The following PGM3 variants were observed in gnomAD, a reference collection of about 807,000 sequenced individuals.
PGM3 encodes phosphoglucomutase 3, also known as phosphoacetylglucosamine mutase.
Under a neutral mutation model 66.2 loss-of-function variants are expected in PGM3, and 40 were observed. The observed-to-expected ratio is 0.60, with a 90% CI of 0.47 to 0.79. The LOEUF is 0.79. Among genes scored for constraint, PGM3 ranks in the 30% least tolerant of loss-of-function variants. The probability of loss-of-function intolerance (pLI) is 0.00; values close to 1 mark genes in which losing one functional copy is unlikely to be tolerated. For synonymous variants in PGM3, 191 were observed against 224.2 expected, an observed-to-expected ratio of 0.85 and a Z score of 1.32; for missense variants, 537 against 643.4, an observed-to-expected ratio of 0.83 and a Z score of 1.79.
At chr6:83,180,199 T>TC (rs1788076199) in intron 6 of PGM3, among the ~76,000 whole-genome samples, 1 of 152,186 alleles carries the variant, frequency 6.6e-6, no homozygotes, top group Non-Finnish European at 1.5e-5. Context: ...AATACTACCA[T>TC]AAAATTCCAC....
intron 8 of PGM3, among the ~76,000 whole-genome samples, chr6:83,178,117 T>C (rs527722787): frequency 4.7e-4 from 71 of 152,208 alleles, no homozygotes; most frequent in Non-Finnish European, 9.4e-4. Flanking sequence ...ACACTAGTCC[T>C]CAAATAGGAA....
chr6:83,164,725 G>T, downstream of PGM3: 1 of 1,586,404 alleles, frequency 6.3e-7, no homozygotes, highest in Non-Finnish European at 8.6e-7. Context: ...ATCAGGTGAG[G>T]GTGGCTGTTT....
Position 83,190,906 on chromosome 6 carries a change from T to C in PGM3, c.107A>G (p.Asp36Gly). Residue 36 changes from aspartate to glycine, a missense_variant, in exon 2 of 13, where the codon GAT becomes GGT. Asp to Gly is a moderately conservative substitution (Grantham distance 94). Transcript: ENST00000513973. ...TAATCCCATGCGAAACATGACATGA[T>C]CAAGATGTTCTGCCTTCGTTCGAAA... Reference protein sequence around the residue: ...AGFRTKAEHLDHVMFRMGLLA... With the variant: ...AGFRTKAEHLGHVMFRMGLLA... The C allele has an allele frequency of 1.2e-6, 2 of 1,614,154 alleles. No homozygotes were observed. The highest frequency in any genetic ancestry group is 1.7e-6 in the Non-Finnish European group (2 of 1,179,990).
chr6:83,168,409 A>G lies in PGM3; in HGVS notation c.*825T>C, dbSNP rs1405600878. On this transcript the variant is annotated 3_prime_UTR_variant, in exon 13 of 13. Transcript: ENST00000513973. Reference sequence around the variant, plus strand: ...CTATATATATACACATGTAAAGTCCATTGTTTTTATTGTCCTGAGTTGTCT... The same window carrying G: ...CTATATATATACACATGTAAAGTCCGTTGTTTTTATTGTCCTGAGTTGTCT... The G allele has an allele frequency of 2.5e-6, 3 of 1,207,968 alleles. No individual in the cohort carries two copies. The African/African-American group carries it at 4.7e-5, about 19-fold the overall frequency. The allele number at this position is 1,207,968 out of a possible 1,614,324, so 74.8% of individuals were successfully genotyped here.
chr6:83,165,776 G>A lies in PGM3; in HGVS notation c.*3458C>T, dbSNP rs992124387. The A allele has an allele frequency of 3.5e-5, 9 of 259,044 alleles. No individual in the cohort carries two copies. The highest frequency in any genetic ancestry group is 9.0e-5 in the African/African-American group (4 of 44,690). The allele number at this position is 259,044 out of a possible 1,614,324, so 16.0% of individuals were successfully genotyped here. A position where few individuals can be genotyped will look rare whatever the true frequency, so the allele number is the denominator to read the frequency against. ...ATTTTCGAAGCGTTGGTTGTGCAAC[G>A]TGCGGCCCAGTGTTGTCGTGAAAAG... On this transcript the variant is annotated 3_prime_UTR_variant, in exon 13 of 13. Transcript: ENST00000513973.
chr6:83,152,008 T>C, the PGM3 span: 1 of 1,613,934 alleles, frequency 6.2e-7, no homozygotes, highest in Non-Finnish European at 8.5e-7. Context: ...ATGGAACCAA[T>C]TTGGAATCTG....
chr6:83,163,497 A>C (rs1784723486), downstream of PGM3, among the ~76,000 whole-genome samples: 1 of 152,214 alleles, frequency 6.6e-6, no homozygotes, highest in Non-Finnish European at 1.5e-5. Flanking sequence ...AGAATAAAGG[A>C]AATAATCATT....
downstream of PGM3, among the ~76,000 whole-genome samples, chr6:83,158,817 T>C (rs922577182): frequency 3.3e-5 from 5 of 152,204 alleles, no homozygotes; most frequent in Non-Finnish European, 2.9e-5. Context: ...TCAGCATTCA[T>C]TGCCCTGGGC....
chr6:83,162,416 A>G (rs1784447438), downstream of PGM3, among the ~76,000 whole-genome samples: 2 of 152,130 alleles, frequency 1.3e-5, no homozygotes, highest in South Asian at 4.1e-4. Flanking sequence ...TCAGACTGTT[A>G]TGTTGCAGTA....
chr6:83,152,837 C>T, the PGM3 span, among the ~76,000 whole-genome samples: 3 of 151,964 alleles, frequency 2.0e-5, no homozygotes, highest in East Asian at 1.9e-4. Flanking sequence ...AGGCTGGTCT[C>T]GAACTCCTGA....
In PGM3 at chr6:83,179,791, G is replaced by A; in HGVS notation, c.945+19C>T. On this transcript the variant is annotated intron_variant, in intron 7 of 12. Transcript: ENST00000513973. ...CTACTAAGTCTTGTTTTAGAGGGTA[G>A]CCAATCCCCCCACCATACCTCCACC... The A allele has an allele frequency of 6.3e-7, 1 of 1,590,790 alleles. No homozygotes were observed. Among genetic ancestry groups the A allele is most frequent in the Non-Finnish European group, 8.6e-7 (1 of 1,166,498 alleles).
chr6:83,177,263 T>C (rs1787838965), intron 8 of PGM3, among the ~76,000 whole-genome samples: 3 of 152,076 alleles, frequency 2.0e-5, no homozygotes, highest in Admixed American at 1.3e-4. Flanking sequence ...AGGTACAAAA[T>C]GAGGTACAAA....
At chr6:83,156,511 C>T (rs1782828211), downstream of PGM3, among the ~76,000 whole-genome samples, 3 of 152,146 alleles carry the variant, frequency 2.0e-5, no homozygotes, top group Admixed American at 2.0e-4. Context: ...TTGGGGACTG[C>T]ATGGGGGATT....
At chr6:83,176,302 A>C (rs1270537755) in intron 8 of PGM3, among the ~76,000 whole-genome samples, 4 of 152,224 alleles carry the variant, frequency 2.6e-5, no homozygotes, top group African/African-American at 9.6e-5. Flanking sequence ...AAGACACGAA[A>C]GATTACAAGT....
chr6:83,192,178 A>T (rs1400602295), intron 1 of PGM3, among the ~76,000 whole-genome samples: 1 of 145,608 alleles, frequency 6.9e-6, no homozygotes, highest in Non-Finnish European at 1.5e-5. Context: ...ACGCAGGAGA[A>T]TCGCTTGAAC....
At chr6:83,149,638 A>C in the PGM3 span, among the ~76,000 whole-genome samples, 4 of 152,090 alleles carry the variant, frequency 2.6e-5, no homozygotes, top group Non-Finnish European at 5.9e-5. Context: ...CAGGTTTTTG[A>C]GGAGAGACAT....
Position 83,168,856 on chromosome 6 carries a change from T to C in PGM3, c.*378A>G. 9.6e-7 allele frequency: 1 copy of C among 1,042,698 alleles called. No homozygotes were observed. The highest frequency in any genetic ancestry group is 1.2e-6 in the Non-Finnish European group (1 of 863,704). The allele number at this position is 1,042,698 out of a possible 1,614,324, so 64.6% of individuals were successfully genotyped here. A position where few individuals can be genotyped will look rare whatever the true frequency, so the allele number is the denominator to read the frequency against. On this transcript the variant is annotated 3_prime_UTR_variant, in exon 13 of 13. Coordinates refer to ENST00000513973, the MANE Select transcript of PGM3 (RefSeq NM_015599.3). ...CATTTGTATCAGCAATGGGGAATGC[T>C]GCAAAACATCATCTTGCTCATGTGA...
intron 7 of PGM3, 135 bp from the exon 8 acceptor site, chr6:83,178,891 T>C: frequency 1.6e-6 from 1 of 640,490 alleles, no homozygotes; most frequent in East Asian, 2.7e-5. Context: ...AATGTCTGAC[T>C]GAAAATTTAC....
At position 83,170,444 on chromosome 6, in the gene PGM3, G is replaced by C; in HGVS notation, c.1400C>G (p.Ala467Gly). The change falls in exon 12 of 13, where the codon GCT becomes GGT. Residue 467 changes from alanine to glycine, a missense_variant. Ala to Gly is a moderately conservative substitution (Grantham distance 60). Transcript: ENST00000513973. The stretch of plus-strand genomic sequence containing the variant: ...TGGGGGTGTAACTGCTTGTCTTTCA[G>C]CATCGGTAGTGCTAATAACTCTCCT... The part of the protein sequence containing the change: ...ADRRVISTTD[A>G]ERQAVTPPGL... 6.2e-7 allele frequency: 1 copy of C among 1,614,020 alleles called. No homozygotes were observed. Among genetic ancestry groups the C allele is most frequent in the Non-Finnish European group, 8.5e-7 (1 of 1,179,940 alleles).
Sources: allele counts gnomAD v4.1 joint callset (sites outside exome capture counted in the v4.1 genomes callset), GRCh38; gene constraint gnomAD v4.1.1; transcripts MANE v1.5; gene names NCBI Gene and HGNC (gene_info 2026-07-23, HGNC 2026-07-21).